PCDH10: variants seen among roughly 807,000 people sequenced by gnomAD.
PCDH10 encodes the protein protocadherin-10.
Under a neutral mutation model 74.4 loss-of-function variants are expected in PCDH10, and 15 were observed. The ratio of observed to expected loss-of-function variants is 0.20; its 90% confidence interval spans 0.13 to 0.31. The LOEUF is 0.31. PCDH10 is among the 10% of genes least tolerant of loss of function. The probability of loss-of-function intolerance (pLI) is 1.00; values close to 1 mark genes in which losing one functional copy is unlikely to be tolerated. For missense variants in PCDH10, 1,260 were observed against 1,390.2 expected, an observed-to-expected ratio of 0.91 and a Z score of 1.49; for synonymous variants, 619 against 589.8, an observed-to-expected ratio of 1.05 and a Z score of -0.72.
At chr4:133,185,341 C>A (rs1359918255) in intron 4 of PCDH10, among the ~76,000 whole-genome samples, 1 of 151,100 alleles carries the variant, frequency 6.6e-6, no homozygotes, top group African/African-American at 2.4e-5. Context: ...AAGCAGTTAC[C>A]CTCTTTTAAT....
At chr4:133,183,073 A>C (rs1250325632) in intron 4 of PCDH10, among the ~76,000 whole-genome samples, 1 of 152,084 alleles carries the variant, frequency 6.6e-6, no homozygotes, top group Non-Finnish European at 1.5e-5. Flanking sequence ...TATCTTCCTC[A>C]AATCAATTCA....
At chr4:133,187,257 T>C (rs1413538690) in intron 4 of PCDH10, among the ~76,000 whole-genome samples, 2 of 152,084 alleles carry the variant, frequency 1.3e-5, no homozygotes, top group Admixed American at 6.6e-5. Flanking sequence ...GAGTACTGCC[T>C]TGAATTTATG....
intron 4 of PCDH10, among the ~76,000 whole-genome samples, chr4:133,180,017 T>A (rs954802854): frequency 6.6e-6 from 1 of 152,132 alleles, no homozygotes; most frequent in East Asian, 1.9e-4. Context: ...TCCTAAATAA[T>A]CTCCACTCTA....
Position 133,152,312 on chromosome 4 carries a change from G to T in PCDH10, c.2172G>T (p.Ser724=). Residue 724 remains serine, a synonymous_variant, in exon 1 of 5, where the codon TCG becomes TCT. Coordinates refer to ENST00000264360, the MANE Select transcript of PCDH10 (RefSeq NM_032961.3). ...TCATCCTCATCATCGCGTTGGGCTCGGTGTCCTTCATCTTCCTGCTGGCCA... is the reference window on the plus strand; with the variant it reads ...TCATCCTCATCATCGCGTTGGGCTCTGTGTCCTTCATCTTCCTGCTGGCCA... The part of the protein sequence containing the change: ...LTLILIIALG[S]VSFIFLLAMI... The T allele has an allele frequency of 3.1e-6, 5 of 1,614,192 alleles. 1 individual carries two copies. The South Asian group carries it at 4.4e-5, about 14-fold the overall frequency.
At chr4:133,159,319 C>T (rs1179798654) in intron 3 of PCDH10, among the ~76,000 whole-genome samples, 1 of 152,024 alleles carries the variant, frequency 6.6e-6, no homozygotes, top group Non-Finnish European at 1.5e-5. Flanking sequence ...CAGTTGAAAA[C>T]CATGTACTTT....
chr4:133,151,815 A>G lies in PCDH10; in HGVS notation c.1675A>G (p.Thr559Ala), dbSNP rs745990864. 153 of 1,612,974 alleles carry G rather than the reference A, an allele frequency of 9.5e-5. No individual in the cohort carries two copies. Among genetic ancestry groups the G allele is most frequent in the Non-Finnish European group, 1.3e-4 (149 of 1,180,046 alleles). Residue 559 changes from threonine (T) to alanine (A), a missense_variant, in exon 1 of 5, where the codon ACT (threonine) becomes GCT (alanine). Around this residue, in one of 11 missense-constraint regions of PCDH10, gnomAD observed 587 missense variants for 616.9 expected, o/e 0.95. Transcript: ENST00000264360. ...CCCCCAGGCGCTGGCTGGTAACGCC[A>G]CTGTCAACATCCTCATAGTGGATCA... ...GSPQALAGNA[T>A]VNILIVDQND...
chr4:133,186,579 C>A (rs1462653395), intron 4 of PCDH10, among the ~76,000 whole-genome samples: 1 of 152,052 alleles, frequency 6.6e-6, no homozygotes, highest in Non-Finnish European at 1.5e-5. Flanking sequence ...AATATATAGC[C>A]ATGTTACTTA....
chr4:133,202,365 G>T (rs563252315), intron 2 of PCDH10, among the ~76,000 whole-genome samples: 1 of 152,072 alleles, frequency 6.6e-6, no homozygotes, highest in Non-Finnish European at 1.5e-5. Flanking sequence ...TTAAACTAGC[G>T]GCTCGAGGTC....
chr4:133,184,784 A>ATTT (rs397746833), intron 4 of PCDH10, among the ~76,000 whole-genome samples: 3 of 138,290 alleles, frequency 2.2e-5, no homozygotes, highest in African/African-American at 8.0e-5. Context: ...ATATATATAT[A>ATTT]AATATATATA....
intron 3 of PCDH10, among the ~76,000 whole-genome samples, chr4:133,155,975 A>G (rs926039015): frequency 6.6e-6 from 1 of 152,242 alleles, no homozygotes; most frequent in Non-Finnish European, 1.5e-5. Flanking sequence ...CACATGAAGA[A>G]ATAGAAAGGC....
chr4:133,158,747 A>G (rs1355810086), intron 3 of PCDH10, among the ~76,000 whole-genome samples: 1 of 152,102 alleles, frequency 6.6e-6, no homozygotes, highest in Non-Finnish European at 1.5e-5. Context: ...ATAATTGCCA[A>G]GTTTGATTTT....
At chr4:133,204,810 A>G (rs1353465163) in intron 2 of PCDH10, among the ~76,000 whole-genome samples, 1 of 152,174 alleles carries the variant, frequency 6.6e-6, no homozygotes, top group Non-Finnish European at 1.5e-5. Flanking sequence ...AGAATCTGCA[A>G]CTGGACACTG....
intron 4 of PCDH10, among the ~76,000 whole-genome samples, chr4:133,171,722 A>T (rs1444291731): frequency 6.6e-6 from 1 of 152,180 alleles, no homozygotes; most frequent in African/African-American, 2.4e-5. Context: ...CAGACATTGT[A>T]TACTTAGAAA....
rs1727709699 is a variant in PCDH10 at position 133,192,900 on chromosome 4, A to G, written c.*2740A>G. On this transcript the variant is annotated 3_prime_UTR_variant, in exon 5 of 5. Transcript: ENST00000264360. ...ATTTACTAGATTAATATATCAAGGAATTTTAGGATAGGTTTTCTCTTTAAT... is the reference window on the plus strand; with the variant it reads ...ATTTACTAGATTAATATATCAAGGAGTTTTAGGATAGGTTTTCTCTTTAAT... The G allele has an allele frequency of 6.6e-6, 1 of 151,650 alleles. No homozygotes were observed. Among genetic ancestry groups the G allele is most frequent in the Non-Finnish European group, 1.5e-5 (1 of 67,618 alleles). The allele number at this position is 151,650 out of a possible 1,614,324, so 9.4% of individuals were successfully genotyped here.
chr4:133,175,392 GCACAAC>G (rs1727277562), intron 4 of PCDH10, among the ~76,000 whole-genome samples: 1 of 151,964 alleles, frequency 6.6e-6, no homozygotes, highest in East Asian at 1.9e-4. Flanking sequence ...TCGTTGTTGG[GCACAAC>G]TGTTTTCCAA....
intron 4 of PCDH10, among the ~76,000 whole-genome samples, chr4:133,176,726 G>T (rs1478821911): frequency 6.6e-6 from 1 of 152,004 alleles, no homozygotes; most frequent in African/African-American, 2.4e-5. Flanking sequence ...ATAATGCTCA[G>T]CAAAGATTAA....
At chr4:133,174,095 C>T (rs531765334) in intron 4 of PCDH10, among the ~76,000 whole-genome samples, 5 of 151,956 alleles carry the variant, frequency 3.3e-5, no homozygotes, top group South Asian at 2.1e-4. Flanking sequence ...TTTGGTATCA[C>T]GTCATCCTCT....
chr4:133,201,820 C>A (rs1727914530), intron 2 of PCDH10, among the ~76,000 whole-genome samples: 1 of 142,006 alleles, frequency 7.0e-6, no homozygotes. Context: ...CATGCCATTG[C>A]ACTCCAGCCT....
At chr4:133,184,016 T>A (rs922598541) in intron 4 of PCDH10, among the ~76,000 whole-genome samples, 7 of 152,150 alleles carry the variant, frequency 4.6e-5, no homozygotes, top group Non-Finnish European at 1.0e-4. Flanking sequence ...GCAAACTATG[T>A]TGTAAGTATT....
Sources: gnomAD v4.1 joint callset for allele counts (sites outside exome capture counted in the v4.1 genomes callset) on GRCh38, gnomAD v4.1.1 for gene constraint, gnomAD v4.1.1 regional missense constraint, MANE v1.5 for transcripts, NCBI Gene and HGNC (gene_info 2026-07-23, HGNC 2026-07-21) for gene names.